The following WDR62 variants were observed in gnomAD, a reference collection of about 807,000 sequenced individuals.
The protein encoded by WDR62 is WD repeat-containing protein 62.
In WDR62, 112 loss-of-function variants were observed where a neutral mutation model predicts 160.6. The ratio of observed to expected loss-of-function variants is 0.70; its 90% CI spans 0.60 to 0.82. The LOEUF is 0.82. WDR62 is among the 40% of genes least tolerant of loss of function. WDR62 has a pLI of 0.00. For synonymous variants in WDR62, 792 were observed against 815.1 expected, an observed-to-expected ratio of 0.97 and a Z score of 0.48; for missense variants, 1,819 against 1,983.8, an observed-to-expected ratio of 0.92 and a Z score of 1.58.
intron 20 of WDR62, 27 bp from the exon 21 acceptor site, chr19:36,097,000 C>G (rs1973007806): frequency 6.2e-7 from 1 of 1,601,932 alleles, no homozygotes; most frequent in Non-Finnish European, 8.5e-7. Context: ...TGTTTGTCCT[C>G]TTTTCATGGA....
At chr19:36,073,711 G>A in intron 9 of WDR62, 180 bp downstream of exon 9, 1 of 687,712 alleles carries the variant, frequency 1.5e-6, no homozygotes, top group Admixed American at 2.0e-5. Flanking sequence ...CTCACATTTG[G>A]ATGGGAAAGG....
chr19:36,089,422 C>T, intron 15 of WDR62, 116 bp downstream of exon 15: 1 of 1,536,538 alleles, frequency 6.5e-7, no homozygotes, highest in Non-Finnish European at 9.0e-7. Flanking sequence ...AGGGACCCAG[C>T]AGGTGTTCCT....
At chr19:36,061,578 C>T (rs903315065) in intron 3 of WDR62, 54 of 152,198 alleles carry the variant, frequency 3.5e-4, no homozygotes, top group African/African-American at 1.3e-3. Flanking sequence ...TTGTCAGGCC[C>T]GTTGTGGCCA....
chr19:36,069,729 C>A (rs935503879), intron 7 of WDR62, among the ~76,000 whole-genome samples: 5 of 152,284 alleles, frequency 3.3e-5, no homozygotes, highest in South Asian at 4.1e-4. Flanking sequence ...GAGACTCCGT[C>A]TGCAATCCCG....
At chr19:36,084,246 CTT>C (rs1386734928) in intron 11 of WDR62, among the ~76,000 whole-genome samples, 1 of 152,130 alleles carries the variant, frequency 6.6e-6, no homozygotes. Context: ...ATTTGAGACT[CTT>C]TTAACAATGA....
chr19:36,096,476 C>T (rs1599831209), intron 20 of WDR62, among the ~76,000 whole-genome samples: 2 of 151,950 alleles, frequency 1.3e-5, no homozygotes, highest in Admixed American at 6.6e-5. Flanking sequence ...GAGGCCGAGG[C>T]GAGCGGATCA....
intron 20 of WDR62, 64 bp from the exon 21 acceptor site, chr19:36,096,963 G>A (rs1973004467): frequency 1.1e-5 from 16 of 1,500,162 alleles, no homozygotes; most frequent in Middle Eastern, 3.4e-4. Flanking sequence ...GGACTGCCCG[G>A]TTATGTATGT....
At chr19:36,098,442 A>C (rs1324608368) in intron 21 of WDR62, among the ~76,000 whole-genome samples, 1 of 151,914 alleles carries the variant, frequency 6.6e-6, no homozygotes, top group East Asian at 1.9e-4. Flanking sequence ...GTGCATGCCT[A>C]TAGTCCCAAC....
chr19:36,059,901 G>A, intron 2 of WDR62, 67 bp from the exon 3 acceptor site: 1 of 1,548,858 alleles, frequency 6.5e-7, no homozygotes, highest in Non-Finnish European at 8.9e-7. Flanking sequence ...TTTTCTGGTG[G>A]GAATAGAATC....
chr19:36,078,041 G>A (rs544746150), intron 9 of WDR62, among the ~76,000 whole-genome samples: 1 of 152,218 alleles, frequency 6.6e-6, no homozygotes, highest in South Asian at 2.1e-4. Flanking sequence ...TTCATTGTAC[G>A]GATAGAACAC....
At chr19:36,069,906 G>A (rs1391691552) in intron 7 of WDR62, among the ~76,000 whole-genome samples, 2 of 152,060 alleles carry the variant, frequency 1.3e-5, no homozygotes, top group African/African-American at 4.8e-5. Context: ...GCTGAGGCAG[G>A]AGAATCAGGC....
In WDR62 at chr19:36,104,518, G is replaced by A; in HGVS notation, c.4154G>A (p.Gly1385Asp). ...GCTCATTCCCTTCTCTCTACCCCAGGTGCACTTGGTCTGTTACAGGGCAGC... is the reference window on the plus strand; with the variant it reads ...GCTCATTCCCTTCTCTCTACCCCAGATGCACTTGGTCTGTTACAGGGCAGC... ...GTASLLEPTS[G>D]ALGLLQGSPA... is the part of the protein sequence containing the mutation. Residue 1385 changes from glycine (G) to aspartate (D), a missense_variant and splice_region_variant, in exon 31 of 32, where the codon GGT (glycine) becomes GAT (aspartate). This residue lies in a region of WDR62 where 770 missense variants were observed against 734.2 expected (regional missense o/e 1.05). Transcript: ENST00000401500. 6.2e-7 allele frequency: 1 copy of A among 1,613,582 alleles called. No homozygotes were observed.
At chr19:36,073,126 C>T (rs983042775) in intron 8 of WDR62, among the ~76,000 whole-genome samples, 3 of 152,034 alleles carry the variant, frequency 2.0e-5, no homozygotes, top group African/African-American at 4.8e-5. Context: ...CAATTGCTCT[C>T]GGGGCCAGGC....
At chr19:36,068,063 G>A in intron 7 of WDR62, 53 bp downstream of exon 7, 1 of 1,570,730 alleles carries the variant, frequency 6.4e-7, no homozygotes, top group Non-Finnish European at 8.7e-7. Flanking sequence ...CGTGATATGT[G>A]TCTGCAGGGG....
In WDR62 at chr19:36,089,230, A is replaced by G. The variant is rs1972443328; in HGVS notation, c.1882A>G (p.Lys628Glu). 6.2e-7 allele frequency: 1 copy of G among 1,614,100 alleles called. No individual in the cohort carries two copies. Among genetic ancestry groups the G allele is most frequent in the Non-Finnish European group, 8.5e-7 (1 of 1,180,046 alleles). ...TGTCCGTACCCACCACGTAGCAGAG[A>G]AAACCACCTTGTATGACATGGACAT... ...HFVRTHHVAE[K>E]TTLYDMDIDI... is the part of the protein sequence containing the mutation. The change falls in exon 15 of 32, where the codon AAA becomes GAA. Residue 628 changes from lysine to glutamate, a missense_variant. This residue lies in a region of WDR62 where 934 missense variants were observed against 1,157.2 expected (regional missense o/e 0.81). Coordinates refer to ENST00000401500, the MANE Select transcript of WDR62 (RefSeq NM_001083961.2).
intron 20 of WDR62, 93 bp from the exon 21 acceptor site, chr19:36,096,934 T>G: frequency 4.4e-6 from 5 of 1,142,720 alleles, no homozygotes; most frequent in Non-Finnish European, 6.5e-6. Context: ...ACTTCTGGGT[T>G]GTGGTGTTGC....
chr19:36,111,074 A>G, the WDR62 span: 1 of 890,352 alleles, frequency 1.1e-6, no homozygotes, highest in Non-Finnish European at 1.7e-6. Flanking sequence ...GCCAGCCAGG[A>G]AATTTGCATG....
intron 21 of WDR62, among the ~76,000 whole-genome samples, chr19:36,097,407 A>C (rs1176536412): frequency 6.6e-6 from 1 of 152,250 alleles, no homozygotes; most frequent in Non-Finnish European, 1.5e-5. Context: ...GTGGAGGGAA[A>C]AGAATCAAGA....
At chr19:36,057,995 C>T (rs1970452148) in intron 1 of WDR62, among the ~76,000 whole-genome samples, 1 of 152,160 alleles carries the variant, frequency 6.6e-6, no homozygotes, top group East Asian at 1.9e-4. Context: ...ACCTGTAAAA[C>T]AGGGGTGATA....
Sources: gnomAD v4.1 joint callset for allele counts (sites outside exome capture counted in the v4.1 genomes callset) on GRCh38, gnomAD v4.1.1 for gene constraint, gnomAD v4.1.1 regional missense constraint, MANE v1.5 for transcripts, NCBI Gene and HGNC (gene_info 2026-07-23, HGNC 2026-07-21) for gene names.